Variants in ZNRF3 observed in about 807,000 individuals in gnomAD.
ZNRF3 encodes E3 ubiquitin-protein ligase ZNRF3.
Under a neutral mutation model 72.5 loss-of-function variants are expected in ZNRF3, and 23 were observed. That is an observed-to-expected ratio of 0.32 (90% CI 0.23 to 0.45). The LOEUF is 0.45. Ranked by LOEUF, ZNRF3 falls within the 20% of genes least tolerant of loss-of-function variation. The probability of loss-of-function intolerance (pLI) is 1.00; values close to 1 mark genes in which losing one functional copy is unlikely to be tolerated. For missense variants in ZNRF3, 1,169 were observed against 1,272.1 expected (o/e 0.92, Z 1.23); for synonymous variants, 610 against 545.3 (o/e 1.12, Z -1.65).
intron 1 of ZNRF3, among the ~76,000 whole-genome samples, chr22:28,979,038 C>T (rs10854810): frequency 0.23 from 34,948 of 152,036 alleles, 4,934 homozygotes; most frequent in Admixed American, 0.31. Flanking sequence ...ACGTGTCATC[C>T]TCTTGTTCAG....
At chr22:29,004,106 C>G (rs1360574687) in intron 2 of ZNRF3, among the ~76,000 whole-genome samples, 1 of 152,236 alleles carries the variant, frequency 6.6e-6, no homozygotes, top group Non-Finnish European at 1.5e-5. Flanking sequence ...CCTCAAGAGA[C>G]GCTGGTCAGG....
At chr22:29,041,482 C>G (rs1421962740) in intron 2 of ZNRF3, among the ~76,000 whole-genome samples, 2 of 152,170 alleles carry the variant, frequency 1.3e-5, no homozygotes, top group African/African-American at 4.8e-5. Context: ...CTTCCCCCAC[C>G]TCCCCCAAAA....
chr22:28,940,369 A>C (rs1358645714), intron 1 of ZNRF3, among the ~76,000 whole-genome samples: 1 of 152,112 alleles, frequency 6.6e-6, no homozygotes, highest in Admixed American at 6.5e-5. Context: ...GAGGTATGGC[A>C]GTGTTATTTT....
intron 1 of ZNRF3, chr22:28,917,434 G>T: frequency 1.0e-6 from 1 of 985,458 alleles, no homozygotes; most frequent in Non-Finnish European, 1.2e-6. Context: ...AGTGTCCTGT[G>T]TGGTGTCCAC....
At chr22:28,903,882 A>G (rs2034156517) in intron 1 of ZNRF3, among the ~76,000 whole-genome samples, 1 of 152,150 alleles carries the variant, frequency 6.6e-6, no homozygotes, top group African/African-American at 2.4e-5. Context: ...GTGACTTCCC[A>G]TGGTGACCTT....
chr22:28,895,869 C>T (rs548361336), intron 1 of ZNRF3, among the ~76,000 whole-genome samples: 43 of 152,200 alleles, frequency 2.8e-4, no homozygotes, highest in African/African-American at 8.9e-4. Flanking sequence ...CTTTAGGGTT[C>T]CTGGTGTACT....
intron 1 of ZNRF3, among the ~76,000 whole-genome samples, chr22:28,900,182 C>G (rs549871954): frequency 2.0e-4 from 31 of 152,226 alleles, no homozygotes; most frequent in Non-Finnish European, 3.5e-4. Flanking sequence ...AAATGGGGGA[C>G]TCCTCCTCCC....
intron 1 of ZNRF3, among the ~76,000 whole-genome samples, chr22:28,905,746 T>G (rs1164989215): frequency 1.3e-5 from 2 of 152,322 alleles, no homozygotes; most frequent in East Asian, 3.9e-4. Flanking sequence ...AGCCTTTTAG[T>G]GCTGAAGGTC....
chr22:29,052,691 C>CAAA (rs35759703), intron 8 of ZNRF3, among the ~76,000 whole-genome samples: 2 of 118,252 alleles, frequency 1.7e-5, no homozygotes, highest in African/African-American at 3.2e-5. Flanking sequence ...GACTCCGTCT[C>CAAA]AAAAAAAAAA....
Position 28,883,846 on chromosome 22 carries a change from G to C in ZNRF3, c.80G>C (p.Arg27Pro). The stretch of plus-strand genomic sequence containing the variant: ...CTGCGCCGCCGCCCCCGCGGCCTCC[G>C]GTGCAGCCGCCTGCCGCCGCCGCCG... ...RRLRRRPRGL[R>P]CSRLPPPPPL... The change falls in exon 1 of 9, where the codon CGG becomes CCG. Residue 27 changes from arginine to proline, a missense_variant. Coordinates refer to ENST00000544604, the MANE Select transcript of ZNRF3 (RefSeq NM_001206998.2). This position sits in a 1 kb window ranked among gnomAD's most constrained non-coding sequence, Gnocchi z 5.5. 1.0e-6 allele frequency: 1 copy of C among 982,556 alleles called. No homozygotes were observed. Among genetic ancestry groups the C allele is most frequent in the South Asian group, 4.6e-5 (1 of 21,938 alleles). The allele number at this position is 982,556 out of a possible 1,614,324, so 60.9% of individuals were successfully genotyped here.
intron 2 of ZNRF3, among the ~76,000 whole-genome samples, chr22:29,006,460 C>A (rs1306984898): frequency 6.6e-6 from 1 of 152,138 alleles, no homozygotes; most frequent in Middle Eastern, 3.2e-3. Flanking sequence ...GATCTGCCTG[C>A]CTCGTCCTCC....
At chr22:29,051,058 C>T (rs964386325) in intron 8 of ZNRF3, 110 bp downstream of exon 8, 2 of 1,270,184 alleles carry the variant, frequency 1.6e-6, no homozygotes, top group Non-Finnish European at 2.1e-6. Flanking sequence ...TGGTTTTAAA[C>T]ACCATCTGAG....
chr22:28,983,074 C>A (rs544288078), intron 1 of ZNRF3, among the ~76,000 whole-genome samples: 174 of 152,216 alleles, frequency 1.1e-3, no homozygotes, highest in African/African-American at 3.9e-3. Context: ...TCTTTACCCT[C>A]CACAAGAGGG....
At chr22:28,965,836 G>A (rs2035449382) in intron 1 of ZNRF3, among the ~76,000 whole-genome samples, 1 of 152,212 alleles carries the variant, frequency 6.6e-6, no homozygotes, top group African/African-American at 2.4e-5. Flanking sequence ...AATACATTTA[G>A]CCAAATGCTG....
At chr22:28,945,671 A>AG (rs2035041232) in intron 1 of ZNRF3, among the ~76,000 whole-genome samples, 1 of 152,014 alleles carries the variant, frequency 6.6e-6, no homozygotes, top group South Asian at 2.1e-4. Context: ...CTGAGACTAC[A>AG]GGGGGGCACC....
chr22:29,022,670 T>C (rs6005959), intron 2 of ZNRF3, among the ~76,000 whole-genome samples: 70,361 of 152,050 alleles, frequency 0.46, 16,692 homozygotes, highest in Non-Finnish European at 0.51. Context: ...TCCTAATCCT[T>C]TTAGAAGCAA....
intron 1 of ZNRF3, among the ~76,000 whole-genome samples, chr22:28,933,706 A>ACC (rs1569250994): frequency 2.2e-4 from 13 of 59,638 alleles, no homozygotes; most frequent in Admixed American, 3.7e-4. Flanking sequence ...CTCCTATCAC[A>ACC]CCCCCACCCC....
intron 1 of ZNRF3, among the ~76,000 whole-genome samples, chr22:28,971,185 T>C (rs1216762259): frequency 1.3e-5 from 2 of 151,814 alleles, no homozygotes; most frequent in African/African-American, 4.8e-5. Context: ...CAAGACCCTG[T>C]CTCTAAAAAA....
chr22:29,004,123 G>C (rs2036199257), intron 2 of ZNRF3, among the ~76,000 whole-genome samples: 1 of 152,246 alleles, frequency 6.6e-6, no homozygotes, highest in Non-Finnish European at 1.5e-5. Context: ...CAGGGACAAA[G>C]CCTGCCCTGC....
Sources: gnomAD v4.1 joint callset for allele counts (sites outside exome capture counted in the v4.1 genomes callset) on GRCh38, gnomAD v4.1.1 for gene constraint, Gnocchi (gnomAD v3.1) non-coding constraint, MANE v1.5 for transcripts, NCBI Gene and HGNC (gene_info 2026-07-23, HGNC 2026-07-21) for gene names.